Variants in CHLSN observed in about 807,000 individuals in gnomAD.
CHLSN encodes the protein protein cholesin.
At chr7:1,014,428 C>T in the CHLSN span, among the ~76,000 whole-genome samples, 1 of 152,240 alleles carries the variant, frequency 6.6e-6, no homozygotes, top group Admixed American at 6.5e-5. Context: ...CTCCTTTCCG[C>T]CCACCCCACC....
chr7:1,036,636 T>C, the CHLSN span, among the ~76,000 whole-genome samples: 1 of 152,040 alleles, frequency 6.6e-6, no homozygotes, highest in African/African-American at 2.4e-5. Context: ...ATCTGCTCAA[T>C]TTTGCTGTGA....
At chr7:1,042,421 C>A in the CHLSN span, among the ~76,000 whole-genome samples, 1 of 152,226 alleles carries the variant, frequency 6.6e-6, no homozygotes, top group Non-Finnish European at 1.5e-5. Context: ...CACCCTTCCC[C>A]CCACCAACTG....
At chr7:1,008,414 A>G in the CHLSN span, among the ~76,000 whole-genome samples, 3 of 152,204 alleles carry the variant, frequency 2.0e-5, no homozygotes, top group African/African-American at 4.8e-5. Context: ...CCCTGGGCCA[A>G]GCGCGTTCTT....
At chr7:1,125,147 C>T in the CHLSN span, among the ~76,000 whole-genome samples, 1 of 152,204 alleles carries the variant, frequency 6.6e-6, no homozygotes, top group Admixed American at 6.5e-5. Context: ...TCAGCACTGC[C>T]TCATTGGACA....
the CHLSN span, chr7:997,493 C>G: frequency 1.4e-6 from 1 of 740,020 alleles, no homozygotes; most frequent in Non-Finnish European, 2.0e-6. Context: ...CCCCCACCAC[C>G]GGAGGAGCTG....
chr7:1,126,696 A>C, the CHLSN span, among the ~76,000 whole-genome samples: 14 of 152,154 alleles, frequency 9.2e-5, no homozygotes, highest in Non-Finnish European at 1.6e-4. Context: ...AAGAATAAAA[A>C]TGCATCACTT....
At chr7:1,058,437 C>A in the CHLSN span, 1 of 780,750 alleles carries the variant, frequency 1.3e-6, no homozygotes, top group Non-Finnish European at 2.4e-6. Context: ...CAGCAAGCTC[C>A]AACGGCTGAT....
the CHLSN span, among the ~76,000 whole-genome samples, chr7:1,072,914 C>A: frequency 2.6e-5 from 4 of 152,162 alleles, no homozygotes; most frequent in South Asian, 8.3e-4. Flanking sequence ...GAACTCCTGG[C>A]CTCAAGTGAG....
chr7:1,023,007 C>T, the CHLSN span: 3 of 463,534 alleles, frequency 6.5e-6, no homozygotes, highest in Non-Finnish European at 1.3e-5. The surrounding 1 kb of genome is among the most constrained non-coding windows in gnomAD (Gnocchi z 5.0). Context: ...TCCTGGAGGA[C>T]AGGGAGAGCG....
the CHLSN span, among the ~76,000 whole-genome samples, chr7:1,085,122 G>A: frequency 6.6e-6 from 1 of 152,256 alleles, no homozygotes; most frequent in Non-Finnish European, 1.5e-5. Context: ...TGAAGCTGGA[G>A]ACACACTGCC....
At chr7:1,111,025 G>A in the CHLSN span, among the ~76,000 whole-genome samples, 9 of 152,148 alleles carry the variant, frequency 5.9e-5, no homozygotes, top group Admixed American at 2.0e-4. Flanking sequence ...GCAGTGAGCC[G>A]GGATCGCACC....
chr7:1,028,546 C>T, the CHLSN span: 4 of 985,004 alleles, frequency 4.1e-6, no homozygotes, highest in Admixed American at 6.1e-5. Context: ...CGACGAGGCT[C>T]TCTGGCCGCC....
the CHLSN span, among the ~76,000 whole-genome samples, chr7:1,096,747 A>G: frequency 6.6e-6 from 1 of 152,328 alleles, no homozygotes; most frequent in Admixed American, 6.5e-5. The surrounding 1 kb of genome is among the most constrained non-coding windows in gnomAD (Gnocchi z 4.6). Flanking sequence ...GTGCTTAACA[A>G]TTAACTCTTG....
the CHLSN span, among the ~76,000 whole-genome samples, chr7:1,018,373 C>A: frequency 6.6e-6 from 1 of 152,262 alleles, no homozygotes; most frequent in African/African-American, 2.4e-5. Flanking sequence ...CATCTCAGAC[C>A]CAGACTCAAA....
At chr7:986,089 C>A in the CHLSN span, among the ~76,000 whole-genome samples, 5 of 152,192 alleles carry the variant, frequency 3.3e-5, no homozygotes, top group Non-Finnish European at 7.4e-5. Flanking sequence ...CATTCCCTGG[C>A]CTTCCCTGCT....
At chr7:993,215 C>T in the CHLSN span, among the ~76,000 whole-genome samples, 3 of 152,184 alleles carry the variant, frequency 2.0e-5, no homozygotes, top group Non-Finnish European at 2.9e-5. Flanking sequence ...GGCAGGGGGA[C>T]GGCAGCTGGA....
chr7:1,020,095 G>T, the CHLSN span, among the ~76,000 whole-genome samples: 1 of 152,210 alleles, frequency 6.6e-6, no homozygotes, highest in Non-Finnish European at 1.5e-5. Flanking sequence ...GCGGAGTGGT[G>T]GTGTCTGCTG....
the CHLSN span, among the ~76,000 whole-genome samples, chr7:1,041,313 G>T: frequency 8.2e-6 from 1 of 122,618 alleles, no homozygotes; most frequent in Admixed American, 8.0e-5. Context: ...CCTGGGGTCC[G>T]CGCTGCGGGG....
At chr7:1,045,814 G>A in the CHLSN span, 1 of 152,284 alleles carries the variant, frequency 6.6e-6, no homozygotes, top group African/African-American at 2.4e-5. Flanking sequence ...CCTTTTCACA[G>A]AGAAGAGGTC....
Sources: gnomAD v4.1 joint callset for allele counts (sites outside exome capture counted in the v4.1 genomes callset) on GRCh38, gnomAD v4.1.1 for gene constraint, Gnocchi (gnomAD v3.1) non-coding constraint, MANE v1.5 for transcripts, NCBI Gene and HGNC (gene_info 2026-07-23, HGNC 2026-07-21) for gene names.